The following SMURF2 variants were observed in gnomAD, a reference collection of about 807,000 sequenced individuals.
SMURF2 encodes the protein SMAD specific E3 ubiquitin protein ligase 2.
In SMURF2, 48 loss-of-function variants were observed where a neutral mutation model predicts 109.6. That is an observed-to-expected ratio of 0.44 (90% confidence interval 0.35 to 0.56). The LOEUF (loss-of-function observed/expected upper bound fraction) is 0.56. SMURF2 is among the 20% of genes least tolerant of loss of function. SMURF2 has a pLI of 0.01. For synonymous variants in SMURF2, 288 were observed against 317.1 expected (o/e 0.91, Z 0.97); for missense variants, 575 against 909.0 (o/e 0.63, Z 4.72).
In SMURF2 at chr17:64,547,690, C is replaced by G; in HGVS notation, c.1981G>C (p.Glu661Gln). The G allele has an allele frequency of 3.7e-6, 6 of 1,614,178 alleles. No homozygotes were observed. Among genetic ancestry groups the G allele is most frequent in the Non-Finnish European group, 5.1e-6 (6 of 1,180,038 alleles). ...NIVKWFWKAV[E>Q]FFDEERRARL... The stretch of plus-strand genomic sequence containing the variant: ...GCTCGTCGCTCTTCATCAAAAAACT[C>G]CACAGCTTTCCAGAACCATTTGACA... Residue 661 changes from glutamate (E) to glutamine (Q), a missense_variant, in exon 17 of 19, where the codon GAG (glutamate) becomes CAG (glutamine). Glu to Gln is a conservative substitution (Grantham distance 29, BLOSUM62 2). Around this residue, in one of 5 missense-constraint regions of SMURF2, gnomAD observed 361 missense variants for 612.1 expected, o/e 0.59. Coordinates refer to ENST00000262435, the MANE Select transcript of SMURF2 (RefSeq NM_022739.4). The surrounding 1 kb of genome is among the most constrained non-coding windows in gnomAD (Gnocchi z 4.2).
chr17:64,642,599 TAAG>T (rs371190705), intron 1 of SMURF2, among the ~76,000 whole-genome samples: 10 of 152,304 alleles, frequency 6.6e-5, no homozygotes, highest in African/African-American at 1.4e-4. Flanking sequence ...ACATTACCAC[TAAG>T]AAGGACAGAC....
chr17:64,573,472 A>T (rs1426539986), intron 9 of SMURF2, among the ~76,000 whole-genome samples: 1 of 152,144 alleles, frequency 6.6e-6, no homozygotes, highest in Non-Finnish European at 1.5e-5. Flanking sequence ...TTGCCAAAGC[A>T]ATCATTCTGA....
chr17:64,579,358 A>G lies in SMURF2; in HGVS notation c.773-782T>C, dbSNP rs868984931. The stretch of plus-strand genomic sequence containing the variant: ...CCAGTGAGAAACTTCAATACATAAA[A>G]AACTATTACTAATATTTATTAGTAT... On this transcript the variant is annotated intron_variant, in intron 8 of 18. Coordinates refer to ENST00000262435, the MANE Select transcript of SMURF2 (RefSeq NM_022739.4). Among the ~76,000 whole-genome samples, 3 of 152,044 alleles carry G rather than the reference A, an allele frequency of 2.0e-5. No individual in the cohort carries two copies. The South Asian group carries it at 6.2e-4, about 32-fold the overall frequency.
At chr17:64,647,542 G>T (rs945268988) in intron 1 of SMURF2, among the ~76,000 whole-genome samples, 4 of 152,038 alleles carry the variant, frequency 2.6e-5, no homozygotes, top group African/African-American at 9.7e-5. Flanking sequence ...GCCAAGCATG[G>T]TGGTGGCAGG....
chr17:64,557,547 T>C, intron 13 of SMURF2, 61 bp downstream of exon 13: 1 of 1,106,698 alleles, frequency 9.0e-7, no homozygotes. Flanking sequence ...ATAAACTACA[T>C]TAACATGTAA....
Position 64,655,859 on chromosome 17 carries a change from T to A in SMURF2, c.52+5970A>T, listed in dbSNP as rs556480148. 2.0e-5 allele frequency among the ~76,000 whole-genome samples: 3 copies of A among 152,246 alleles called. No individual in the cohort carries two copies. In the East Asian group the frequency reaches 5.8e-4, roughly 29 times the overall value. On this transcript the variant is annotated intron_variant, in intron 1 of 18. Coordinates refer to ENST00000262435, the MANE Select transcript of SMURF2 (RefSeq NM_022739.4). Reference sequence around the variant, plus strand: ...CCAGTGAGCCAAGATCACGCCACTGTACTCTAGCCTGAGTGACAGAGTGAG... The same window carrying A: ...CCAGTGAGCCAAGATCACGCCACTGAACTCTAGCCTGAGTGACAGAGTGAG...
chr17:64,570,158 A>AT (rs1969377597), intron 10 of SMURF2, among the ~76,000 whole-genome samples: 1 of 152,220 alleles, frequency 6.6e-6, no homozygotes, highest in African/African-American at 2.4e-5. Flanking sequence ...TCTCATTTAA[A>AT]TTTTTTGCTT....
chr17:64,591,177 G>C, intron 4 of SMURF2, 28 bp from the exon 5 acceptor site: 1 of 1,562,050 alleles, frequency 6.4e-7, no homozygotes, highest in South Asian at 1.1e-5. Context: ...AGAAAGCAAC[G>C]AAAAAATTAG....
At position 64,662,043 on chromosome 17, in the gene SMURF2, G is replaced by T; in HGVS notation, c.-163C>A. ...GCCGAGAGTCGTCGCCATGAGCCGC[G>T]GAGGGAGCGGGACGCCGAGCTCCCC... is the stretch of plus-strand genomic sequence containing the variant. On this transcript the variant is annotated 5_prime_UTR_variant, in exon 1 of 19. Coordinates refer to ENST00000262435, the MANE Select transcript of SMURF2 (RefSeq NM_022739.4). 2.7e-6 allele frequency: 3 copies of T among 1,113,872 alleles called. No individual in the cohort carries two copies. Among genetic ancestry groups the T allele is most frequent in the Non-Finnish European group, 2.2e-6 (2 of 912,586 alleles). The allele number at this position is 1,113,872 out of a possible 1,614,324, so 69.0% of individuals were successfully genotyped here.
chr17:64,546,358 G>T lies in SMURF2; in HGVS notation c.2072-20C>A, dbSNP rs1555683117. The stretch of plus-strand genomic sequence containing the variant: ...CAGCACCTGCAAATGAAGGAAATGT[G>T]GATGAAATCACTGCAGGTGCGTGCA... On this transcript the variant is annotated intron_variant, in intron 17 of 18. Coordinates refer to ENST00000262435, the MANE Select transcript of SMURF2 (RefSeq NM_022739.4). The T allele has an allele frequency of 6.2e-7, 1 of 1,610,800 alleles. No individual in the cohort carries two copies. The highest frequency in any genetic ancestry group is 1.3e-5 in the African/African-American group (1 of 74,950).
chr17:64,642,969 G>GT (rs1555692698), intron 1 of SMURF2, among the ~76,000 whole-genome samples: 1 of 151,790 alleles, frequency 6.6e-6, no homozygotes, highest in African/African-American at 2.4e-5. Context: ...TAATTTTTTT[G>GT]TATGTTTTGT....
intron 1 of SMURF2, among the ~76,000 whole-genome samples, chr17:64,657,157 A>G (rs1970715858): frequency 6.6e-6 from 1 of 152,176 alleles, no homozygotes; most frequent in Non-Finnish European, 1.5e-5. Context: ...AACGCCTACC[A>G]GTGGGTTAGG....
At position 64,547,348 on chromosome 17, in the gene SMURF2, C is replaced by G. The variant is rs1568168982; in HGVS notation, c.2071+252G>C. Among the ~76,000 whole-genome samples the G allele has an allele frequency of 6.6e-6, 1 of 152,122 alleles. No homozygotes were observed. The highest frequency in any genetic ancestry group is 1.5e-5 in the Non-Finnish European group (1 of 68,028). ...AATTAAAAGTAAGGTGACCAGAAAA[C>G]AAAGGCAGAGCATCACCACGTACGG... On this transcript the variant is annotated intron_variant, in intron 17 of 18. Coordinates refer to ENST00000262435, the MANE Select transcript of SMURF2 (RefSeq NM_022739.4). This position sits in a 1 kb window ranked among gnomAD's most constrained non-coding sequence, Gnocchi z 4.2.
intron 9 of SMURF2, among the ~76,000 whole-genome samples, chr17:64,574,684 C>T (rs1212202990): frequency 2.0e-5 from 3 of 152,128 alleles, no homozygotes; most frequent in Non-Finnish European, 4.4e-5. Context: ...GAAAAATAAT[C>T]CCAAGTGTTA....
At chr17:64,578,709 AG>A in intron 8 of SMURF2, 133 bp from the exon 9 acceptor site, 3 of 605,506 alleles carry the variant, frequency 5.0e-6, no homozygotes, top group Non-Finnish European at 8.6e-6. Context: ...TTATCAAAAA[AG>A]GGCTTTACAA....
At chr17:64,554,752 G>T in intron 15 of SMURF2, 104 bp downstream of exon 15, 1 of 1,058,132 alleles carries the variant, frequency 9.5e-7, no homozygotes, top group Non-Finnish European at 1.4e-6. Context: ...TCCTGAAGCG[G>T]ATTTTGTAAC....
At chr17:64,566,232 TATGA>T (rs1290713639) in intron 10 of SMURF2, among the ~76,000 whole-genome samples, 4 of 147,194 alleles carry the variant, frequency 2.7e-5, no homozygotes, top group Admixed American at 6.9e-5. Flanking sequence ...ATTAGTGCCT[TATGA>T]ATCTTTTTAA....
intron 16 of SMURF2, among the ~76,000 whole-genome samples, chr17:64,548,314 A>T (rs1456517469): frequency 6.6e-6 from 1 of 152,190 alleles, no homozygotes; most frequent in Non-Finnish European, 1.5e-5. Context: ...ATTTCACTAC[A>T]TCCTGGGGAA....
Position 64,573,354 on chromosome 17 carries a change from A to G in SMURF2, c.858-1398T>C, listed in dbSNP as rs558135270. Among the ~76,000 whole-genome samples the G allele has an allele frequency of 2.6e-5, 4 of 152,128 alleles. No individual in the cohort carries two copies. The South Asian group carries it at 8.3e-4, about 32-fold the overall frequency. On this transcript the variant is annotated intron_variant, in intron 9 of 18. Coordinates refer to ENST00000262435, the MANE Select transcript of SMURF2 (RefSeq NM_022739.4). ...TAACAGATAATTATAAGTAATCACA[A>G]ATTTCATCAAAACCACATTTTAAAA...
Sources: allele counts gnomAD v4.1 joint callset (sites outside exome capture counted in the v4.1 genomes callset), GRCh38; gene constraint gnomAD v4.1.1; regional missense constraint gnomAD v4.1.1; non-coding constraint Gnocchi (gnomAD v3.1); transcripts MANE v1.5; gene names NCBI Gene and HGNC (gene_info 2026-07-23, HGNC 2026-07-21).